NDST4: variants seen among roughly 807,000 people sequenced by gnomAD.
NDST4 encodes N-heparan sulfate sulfotransferase 4.
A neutral mutation model predicts 100.8 loss-of-function variants in NDST4; 63 were observed. The ratio of observed to expected loss-of-function variants is 0.62; its 90% CI spans 0.51 to 0.77. The LOEUF (loss-of-function observed/expected upper bound fraction) is 0.77. Ranked by LOEUF, NDST4 falls within the 30% of genes least tolerant of loss-of-function variation. The pLI is 0.00. For synonymous variants in NDST4, 377 were observed against 361.8 expected (o/e 1.04, Z -0.48); for missense variants, 943 against 1,018.4 (o/e 0.93, Z 1.01).
intron 2 of NDST4, among the ~76,000 whole-genome samples, chr4:115,012,633 G>T (rs528444131): frequency 6.6e-6 from 1 of 151,972 alleles, no homozygotes; most frequent in African/African-American, 2.4e-5. Context: ...AAATTTGGAG[G>T]TTCCCCAAAA....
intron 7 of NDST4, among the ~76,000 whole-genome samples, chr4:114,867,050 C>T (rs1189451389): frequency 6.6e-6 from 1 of 152,086 alleles, no homozygotes; most frequent in Non-Finnish European, 1.5e-5. Flanking sequence ...GGGCTTTAGT[C>T]CTGACTTGTT....
rs546021583 is a variant in NDST4, at chr4:114,935,444, G to C, written c.1408-110C>G. ...TTGTAATTTCCTATTGGATTTTCTTGGTTGCTAAGGCCAAATCTTATTATA... is the reference window on the plus strand; with the variant it reads ...TTGTAATTTCCTATTGGATTTTCTTCGTTGCTAAGGCCAAATCTTATTATA... On this transcript the variant is annotated intron_variant, in intron 5 of 13. Coordinates refer to ENST00000264363, the MANE Select transcript of NDST4 (RefSeq NM_022569.3). 32 of 1,048,010 alleles carry C rather than the reference G, an allele frequency of 3.1e-5. No individual in the cohort carries two copies. The African/African-American group carries it at 5.1e-4, about 17-fold the overall frequency. 64.9% of individuals were successfully genotyped at this position (1,048,010 alleles called of 1,614,324 possible). A position where few individuals can be genotyped will look rare whatever the true frequency, so the allele number is the denominator to read the frequency against.
intron 6 of NDST4, among the ~76,000 whole-genome samples, chr4:114,897,764 G>T (rs1407985483): frequency 2.0e-5 from 3 of 152,134 alleles, no homozygotes; most frequent in Admixed American, 6.5e-5. Context: ...TGATATATGG[G>T]TAATTGTAAT....
chr4:114,843,058 A>G (rs1273504561), intron 10 of NDST4, among the ~76,000 whole-genome samples: 5 of 152,168 alleles, frequency 3.3e-5, no homozygotes, highest in Non-Finnish European at 5.9e-5. Context: ...ATCATATATC[A>G]TATATCATAT....
chr4:115,076,424 T>C lies in NDST4; in HGVS notation c.613A>G (p.Thr205Ala), dbSNP rs766114932. The C allele has an allele frequency of 6.2e-7, 1 of 1,613,874 alleles. No individual in the cohort carries two copies. The highest frequency in any genetic ancestry group is 1.1e-5 in the South Asian group (1 of 91,082). Residue 205 changes from threonine (T) to alanine (A), a missense_variant, in exon 2 of 14, where the codon ACC (threonine) becomes GCC (alanine). By Grantham distance (58) the Thr-to-Ala change is moderately conservative. This residue lies in a region of NDST4 where 417 missense variants were observed against 384.2 expected (regional missense o/e 1.09). Coordinates refer to ENST00000264363, the MANE Select transcript of NDST4 (RefSeq NM_022569.3). ...VNPQSPLLHITKAPKVEKGPL... is the reference protein window; with the variant it reads ...VNPQSPLLHIAKAPKVEKGPL... ...CCTTTCTCAACCTTGGGGGCTTTGG[T>C]AATATGCAGCAAAGGAGATTGAGGG... is the stretch of plus-strand genomic sequence containing the variant.
intron 6 of NDST4, among the ~76,000 whole-genome samples, chr4:114,893,550 G>A (rs938204476): frequency 6.6e-6 from 1 of 151,456 alleles, no homozygotes; most frequent in African/African-American, 2.4e-5. Context: ...CTTCTTTTGA[G>A]AAGTGTCTGT....
chr4:114,922,977 G>A (rs1021222182), intron 6 of NDST4, among the ~76,000 whole-genome samples: 2 of 152,180 alleles, frequency 1.3e-5, no homozygotes, highest in African/African-American at 4.8e-5. Flanking sequence ...GGATGAGAAA[G>A]AGAAAGCAGA....
At chr4:114,974,877 A>G (rs761827634) in intron 3 of NDST4, among the ~76,000 whole-genome samples, 2 of 152,120 alleles carry the variant, frequency 1.3e-5, no homozygotes, top group African/African-American at 2.4e-5. Flanking sequence ...CACTGGGCCT[A>G]TGTGATTAAA....
intron 6 of NDST4, among the ~76,000 whole-genome samples, chr4:114,893,744 A>C (rs1260823355): frequency 1.3e-5 from 2 of 152,064 alleles, no homozygotes; most frequent in South Asian, 2.1e-4. Context: ...CTTTAGTTTA[A>C]TTAGCTCTCA....
chr4:114,991,678 C>G (rs1560847936), intron 2 of NDST4, among the ~76,000 whole-genome samples: 1 of 152,036 alleles, frequency 6.6e-6, no homozygotes, highest in East Asian at 1.9e-4. Context: ...ATATGAACAA[C>G]TTGTTACTTA....
At chr4:114,836,560 G>A (rs925072559) in intron 11 of NDST4, among the ~76,000 whole-genome samples, 4 of 151,896 alleles carry the variant, frequency 2.6e-5, no homozygotes, top group South Asian at 2.1e-4. Flanking sequence ...TTTTTTCTTC[G>A]TTTCAACCTT....
chr4:114,841,759 A>AT (rs1298919672), intron 10 of NDST4, among the ~76,000 whole-genome samples: 1 of 152,210 alleles, frequency 6.6e-6, no homozygotes, highest in Non-Finnish European at 1.5e-5. Flanking sequence ...TGAGAAAGAC[A>AT]TAATTCTTGT....
At chr4:115,088,889 A>G (rs1729459253) in intron 1 of NDST4, among the ~76,000 whole-genome samples, 1 of 152,064 alleles carries the variant, frequency 6.6e-6, no homozygotes, top group Non-Finnish European at 1.5e-5. Flanking sequence ...GGCATTACAG[A>G]AGTTAGTTTA....
intron 6 of NDST4, among the ~76,000 whole-genome samples, chr4:114,888,724 C>G (rs538585990): frequency 6.6e-6 from 1 of 152,084 alleles, no homozygotes; most frequent in South Asian, 2.1e-4. Flanking sequence ...TTTTATCCCA[C>G]CTCTTTAATT....
intron 2 of NDST4, among the ~76,000 whole-genome samples, chr4:115,069,468 A>G (rs1159799279): frequency 1.3e-5 from 2 of 152,236 alleles, no homozygotes; most frequent in Admixed American, 6.5e-5. Context: ...AAAAAAACAA[A>G]CAACCCATTA....
rs377250045 is a variant in NDST4, at chr4:115,022,153, C to CAT, written c.979-44881_979-44880dup. On this transcript the variant is annotated intron_variant, in intron 2 of 13. Transcript: ENST00000264363. ...ATACGTTCCACGTCTATGCACGTTC[C>CAT]ATATATATACACGTTCCACGTCTAT... Among the ~76,000 whole-genome samples, 388 of 143,128 alleles carry CAT rather than the reference C, an allele frequency of 2.7e-3. 6 individuals carry two copies. The highest frequency in any genetic ancestry group is 0.011 in the African/African-American group (367 of 34,082). 93.9% of individuals were successfully genotyped at this position (143,128 alleles called of 152,430 possible). A position where few individuals can be genotyped will look rare whatever the true frequency, so the allele number is the denominator to read the frequency against.
intron 6 of NDST4, among the ~76,000 whole-genome samples, chr4:114,877,984 T>A (rs879775265): frequency 3.3e-3 from 345 of 105,452 alleles, no homozygotes; most frequent in South Asian, 2.9e-3. Context: ...GGAAAGAAAA[T>A]GGAAGAAATA....
At chr4:115,031,848 A>C (rs1388992400) in intron 2 of NDST4, among the ~76,000 whole-genome samples, 2 of 152,088 alleles carry the variant, frequency 1.3e-5, no homozygotes, top group Admixed American at 6.6e-5. Context: ...ATGTGTCAGC[A>C]TCTAATGCCA....
intron 6 of NDST4, among the ~76,000 whole-genome samples, chr4:114,878,459 C>T (rs567305194): frequency 3.9e-5 from 6 of 152,014 alleles, no homozygotes; most frequent in Non-Finnish European, 7.4e-5. Flanking sequence ...AAAAGGGTAT[C>T]GATTAAAATA....
Sources: gnomAD v4.1 joint callset for allele counts (sites outside exome capture counted in the v4.1 genomes callset) on GRCh38, gnomAD v4.1.1 for gene constraint, gnomAD v4.1.1 regional missense constraint, MANE v1.5 for transcripts, NCBI Gene and HGNC (gene_info 2026-07-23, HGNC 2026-07-21) for gene names.